The following GDF2 variants were observed in gnomAD, a reference collection of about 807,000 sequenced individuals.
GDF2 encodes the protein growth differentiation factor 2.
In GDF2, 17 loss-of-function variants were observed where a neutral mutation model predicts 16.9. The ratio of observed to expected loss-of-function variants is 1.00; its 90% CI spans 0.69 to 1.51. GDF2 has a LOEUF of 1.51. Among genes scored for constraint, GDF2 ranks in the 40% most tolerant of loss-of-function variants. GDF2 has a pLI of 0.00. For missense variants in GDF2, 523 were observed against 556.3 expected (o/e 0.94, Z 0.60); for synonymous variants, 276 against 237.6 (o/e 1.16, Z -1.49).
Position 47,324,919 on chromosome 10 carries a change from A to T in GDF2, c.425A>T (p.His142Leu). 2.5e-6 allele frequency: 4 copies of T among 1,614,008 alleles called. No homozygotes were observed. The highest frequency in any genetic ancestry group is 3.4e-6 in the Non-Finnish European group (4 of 1,180,018). Residue 142 changes from histidine to leucine, a missense_variant, in exon 2 of 2, where the codon CAT becomes CTT. Transcript: ENST00000581492. ...ILLFNISIPR[H>L]EQITRAELRL... is the part of the protein sequence containing the mutation. ...CTCTTCAACATCTCCATTCCTAGGC[A>T]TGAGCAGATCACCAGAGCTGAGCTC...
chr10:47,325,074 T>G lies in GDF2; in HGVS notation c.580T>G (p.Ser194Ala). ...SATETKTFLV[S>A]QDIQDEGWET... ...TACAGAGACCAAGACCTTCCTGGTG[T>G]CCCAGGACATTCAGGATGAGGGCTG... The change falls in exon 2 of 2, where the codon TCC (serine) becomes GCC (alanine). Residue 194 changes from serine (S) to alanine (A), a missense_variant. Coordinates refer to ENST00000581492, the MANE Select transcript of GDF2 (RefSeq NM_016204.4). The G allele has an allele frequency of 6.2e-7, 1 of 1,613,818 alleles. No homozygotes were observed. Among genetic ancestry groups the G allele is most frequent in the Non-Finnish European group, 8.5e-7 (1 of 1,179,824 alleles).
chr10:47,324,343 C>G (rs1330186081), intron 1 of GDF2, among the ~76,000 whole-genome samples: 1 of 152,222 alleles, frequency 6.6e-6, no homozygotes, highest in Admixed American at 6.5e-5. Context: ...CCCAGGATCT[C>G]TCCTTTAAAT....
chr10:47,324,480 G>T (rs1385590535), intron 1 of GDF2, among the ~76,000 whole-genome samples: 1 of 152,134 alleles, frequency 6.6e-6, no homozygotes, highest in Non-Finnish European at 1.5e-5. Flanking sequence ...GCAATTAACT[G>T]CCTTGAATCC....
In GDF2 at chr10:47,325,491, C is replaced by A. The variant is rs35129734; in HGVS notation, c.997C>A (p.Arg333=). The part of the protein sequence containing the change: ...AGSHCQKTSL[R]VNFEDIGWDS... ...CAGCCACTGTCAAAAGACCTCCCTG[C>A]GGGTAAACTTCGAGGACATCGGCTG... The change falls in exon 2 of 2, where the codon CGG becomes AGG. Residue 333 remains arginine, a synonymous_variant. Coordinates refer to ENST00000581492, the MANE Select transcript of GDF2 (RefSeq NM_016204.4). 9 of 1,614,032 alleles carry A rather than the reference C, an allele frequency of 5.6e-6. No individual in the cohort carries two copies. Among genetic ancestry groups the A allele is most frequent in the Admixed American group, 1.7e-5 (1 of 60,028 alleles).
Position 47,327,020 on chromosome 10 carries a change from T to C in GDF2, c.*1236T>C, listed in dbSNP as rs577621883. Among the ~76,000 whole-genome samples the C allele has an allele frequency of 2.3e-4, 35 of 152,342 alleles. No homozygotes were observed. The highest frequency in any genetic ancestry group is 8.2e-4 in the African/African-American group (34 of 41,588). On this transcript the variant is annotated 3_prime_UTR_variant, in exon 2 of 2. Transcript: ENST00000581492. ...AGCCTCGGAAGAGCTGCAGTCCTTA[T>C]CGGCTATCACTGGCTCTGCCTGCAT...
chr10:47,324,717 A>G (rs1235208465), intron 1 of GDF2, 124 bp from the exon 2 acceptor site: 1 of 638,814 alleles, frequency 1.6e-6, no homozygotes, highest in African/African-American at 1.8e-5. Flanking sequence ...GTGAAACCAA[A>G]TAGAGATAAT....
Position 47,322,928 on chromosome 10 carries a change from A to G in GDF2, c.260A>G (p.Gln87Arg), listed in dbSNP as rs1555208731. ...GACAAAACCAGGGTGGAGCCGCCGC[A>G]GTACATGATTGACCTGTACAACAGG... is the stretch of plus-strand genomic sequence containing the variant. ...SQDKTRVEPP[Q>R]YMIDLYNRYT... The change falls in exon 1 of 2, where the codon CAG becomes CGG. Residue 87 changes from glutamine to arginine, a missense_variant. Transcript: ENST00000581492. 1.2e-6 allele frequency: 2 copies of G among 1,614,136 alleles called. No individual in the cohort carries two copies. Among genetic ancestry groups the G allele is most frequent in the Non-Finnish European group, 8.5e-7 (1 of 1,180,008 alleles).
chr10:47,325,675 T>C lies in GDF2; in HGVS notation c.1181T>C (p.Val394Ala). Residue 394 changes from valine (V) to alanine (A), a missense_variant, in exon 2 of 2, where the codon GTG becomes GCG. By Grantham distance (64) the Val-to-Ala change is moderately conservative. Coordinates refer to ENST00000581492, the MANE Select transcript of GDF2 (RefSeq NM_016204.4). ...FPTKVGKACC[V>A]PTKLSPISVL... Reference sequence around the variant, plus strand: ...ACAAAGGTGGGCAAGGCCTGCTGTGTGCCCACCAAACTGAGCCCCATCTCC... The same window carrying C: ...ACAAAGGTGGGCAAGGCCTGCTGTGCGCCCACCAAACTGAGCCCCATCTCC... The C allele has an allele frequency of 6.2e-7, 1 of 1,610,744 alleles. No homozygotes were observed. Among genetic ancestry groups the C allele is most frequent in the Non-Finnish European group, 8.5e-7 (1 of 1,177,688 alleles).
chr10:47,322,613 G>T lies in GDF2; in HGVS notation c.-56G>T. ...TCCTTCCCAGCTCCTCCCCGTGCCC[G>T]CTAACACAGCACGGCCGCCTGCAGT... On this transcript the variant is annotated 5_prime_UTR_variant, in exon 1 of 2. Coordinates refer to ENST00000581492, the MANE Select transcript of GDF2 (RefSeq NM_016204.4). 1 of 1,318,314 alleles carries T rather than the reference G, an allele frequency of 7.6e-7. No individual in the cohort carries two copies. Among genetic ancestry groups the T allele is most frequent in the Non-Finnish European group, 1.0e-6 (1 of 981,794 alleles). 81.7% of individuals were successfully genotyped at this position (1,318,314 alleles called of 1,614,324 possible). A position where few individuals can be genotyped will look rare whatever the true frequency, so the allele number is the denominator to read the frequency against.
In GDF2 at chr10:47,327,255, C is replaced by G. The variant is rs2061111868; in HGVS notation, c.*1471C>G. Among the ~76,000 whole-genome samples the G allele has an allele frequency of 6.6e-6, 1 of 152,300 alleles. No homozygotes were observed. Among genetic ancestry groups the G allele is most frequent in the South Asian group, 2.1e-4 (1 of 4,826 alleles). ...GAAGAGTGCACCTATGGCCCTCTGA[C>G]CTCCAGCCAGAGCAGGGCCTAGGGG... On this transcript the variant is annotated 3_prime_UTR_variant, in exon 2 of 2. Coordinates refer to ENST00000581492, the MANE Select transcript of GDF2 (RefSeq NM_016204.4).
At position 47,326,876 on chromosome 10, in the gene GDF2, T is replaced by C. The variant is rs1419916635; in HGVS notation, c.*1092T>C. ...CAACCTCATGGGAGACGGGCCTGGA[T>C]TTGAATTTGTTGGAATTAAATGTGC... On this transcript the variant is annotated 3_prime_UTR_variant, in exon 2 of 2. Transcript: ENST00000581492. Among the ~76,000 whole-genome samples the C allele has an allele frequency of 6.6e-6, 1 of 152,196 alleles. No individual in the cohort carries two copies. Among genetic ancestry groups the C allele is most frequent in the African/African-American group, 2.4e-5 (1 of 41,452 alleles).
Position 47,325,133 on chromosome 10 carries a change from C to G in GDF2, c.639C>G (p.Arg213=). The change falls in exon 2 of 2, where the codon CGC becomes CGG. Residue 213 remains arginine (R), a synonymous_variant. Transcript: ENST00000581492. ...ETLEVSSAVK[R]WVRSDSTKSK... ...TGGAAGTGTCCAGCGCCGTGAAGCG[C>G]TGGGTCCGGTCCGACTCCACCAAGA... The G allele has an allele frequency of 1.2e-6, 2 of 1,614,028 alleles. No individual in the cohort carries two copies. Among genetic ancestry groups the G allele is most frequent in the Non-Finnish European group, 1.7e-6 (2 of 1,180,044 alleles).
At chr10:47,323,063 C>T in intron 1 of GDF2, 49 bp downstream of exon 1, 2 of 1,399,156 alleles carry the variant, frequency 1.4e-6, no homozygotes, top group Non-Finnish European at 2.0e-6. Context: ...CTCACAGGTC[C>T]ACAGCTGCTT....
rs545683653 is a variant in GDF2, at chr10:47,327,437, C to A, written c.*1653C>A. 2.4e-4 allele frequency among the ~76,000 whole-genome samples: 37 copies of A among 152,248 alleles called. No homozygotes were observed. Among genetic ancestry groups the A allele is most frequent in the African/African-American group, 8.9e-4 (37 of 41,520 alleles). ...CGAAACATTCTTGTTTAATTACTGG[C>A]GTTATAGAAAATATGAATTCCTGCT... On this transcript the variant is annotated 3_prime_UTR_variant, in exon 2 of 2. Coordinates refer to ENST00000581492, the MANE Select transcript of GDF2 (RefSeq NM_016204.4).
At position 47,325,042 on chromosome 10, in the gene GDF2, A is replaced by G. The variant is rs1565754872; in HGVS notation, c.548A>G (p.Asp183Gly). The change falls in exon 2 of 2, where the codon GAT (aspartate) becomes GGT (glycine). Residue 183 changes from aspartate to glycine, a missense_variant. By Grantham distance (94) the Asp-to-Gly change is moderately conservative (BLOSUM62 -1). Transcript: ENST00000581492. The stretch of plus-strand genomic sequence containing the variant: ...GTTCTGGATGGAACAGATGCCTGGG[A>G]TAGTGCTACAGAGACCAAGACCTTC... Reference protein sequence around the residue: ...YDVLDGTDAWDSATETKTFLV... With the variant: ...YDVLDGTDAWGSATETKTFLV... The G allele has an allele frequency of 5.6e-6, 9 of 1,614,082 alleles. No homozygotes were observed. The highest frequency in any genetic ancestry group is 7.6e-6 in the Non-Finnish European group (9 of 1,180,022).
chr10:47,324,746 C>T, intron 1 of GDF2, 95 bp from the exon 2 acceptor site: 1 of 807,154 alleles, frequency 1.2e-6, no homozygotes, highest in Admixed American at 2.2e-5. Context: ...AAATTGTTAT[C>T]CCAGATGCTC....
At chr10:47,323,095 G>A in intron 1 of GDF2, 81 bp downstream of exon 1, 1 of 901,570 alleles carries the variant, frequency 1.1e-6, no homozygotes, top group East Asian at 2.5e-5. Flanking sequence ...GAGGCCACTG[G>A]CCATAGGAGG....
rs564840887 is a variant in GDF2 at position 47,326,763 on chromosome 10, G to A, written c.*979G>A. On this transcript the variant is annotated 3_prime_UTR_variant, in exon 2 of 2. Transcript: ENST00000581492. ...GAGGGCCGGGCACACTTTCCCCTGA[G>A]GGATGGGGCAGCCTGTGGCCAGCAC... Among the ~76,000 whole-genome samples, 382 of 152,330 alleles carry A rather than the reference G, an allele frequency of 2.5e-3. No homozygotes were observed. Among genetic ancestry groups the A allele is most frequent in the African/African-American group, 8.7e-3 (360 of 41,584 alleles).
Position 47,324,848 on chromosome 10 carries a change from C to T in GDF2, c.354C>T (p.Ile118=), listed in dbSNP as rs2061098369. 1 of 1,610,538 alleles carries T rather than the reference C, an allele frequency of 6.2e-7. No homozygotes were observed. The highest frequency in any genetic ancestry group is 8.5e-7 in the Non-Finnish European group (1 of 1,178,112). ...CGTGTGTTTGCATTTCAGATGCCAT[C>T]TCCATAACTGCCACAGAGGACTTCC... is the stretch of plus-strand genomic sequence containing the variant. ...IVRSFSMEDA[I]SITATEDFPF... is the part of the protein sequence containing the mutation. The change falls in exon 2 of 2, where the codon ATC becomes ATT. Residue 118 remains isoleucine, a synonymous_variant. Coordinates refer to ENST00000581492, the MANE Select transcript of GDF2 (RefSeq NM_016204.4).
Sources: gnomAD v4.1 joint callset for allele counts (sites outside exome capture counted in the v4.1 genomes callset) on GRCh38, gnomAD v4.1.1 for gene constraint, MANE v1.5 for transcripts, NCBI Gene and HGNC (gene_info 2026-07-23, HGNC 2026-07-21) for gene names.